RNGTT: variants seen among roughly 807,000 people sequenced by gnomAD.
RNGTT encodes RNA guanylyltransferase and 5'-phosphatase, also known as mRNA-capping enzyme.
Under a neutral mutation model 79.3 loss-of-function variants are expected in RNGTT, and 33 were observed. That is an observed-to-expected ratio of 0.42 (90% CI 0.32 to 0.56). The LOEUF (loss-of-function observed/expected upper bound fraction) is 0.56. Among genes scored for constraint, RNGTT ranks in the 20% least tolerant of loss-of-function variants. The pLI, the probability that RNGTT is intolerant of heterozygous loss-of-function variation, is 0.17. For missense variants in RNGTT, 497 were observed against 739.1 expected, an observed-to-expected ratio of 0.67 and a Z score of 3.80; for synonymous variants, 222 against 235.9, an observed-to-expected ratio of 0.94 and a Z score of 0.54.
intron 2 of RNGTT, among the ~76,000 whole-genome samples, chr6:88,939,080 T>C (rs1784762770): frequency 6.6e-6 from 1 of 152,224 alleles, no homozygotes; most frequent in Admixed American, 6.5e-5. Flanking sequence ...TATAACGCGT[T>C]GTGGAGAAGA....
In RNGTT at chr6:88,644,781, G is replaced by C. The variant is rs548357737; in HGVS notation, c.1507-30386C>G. ...TGATTATCTCAATAGATGCAGAAAA[G>C]GCCTTTGACAAAATTCAACAGCGCT... On this transcript the variant is annotated intron_variant, in intron 14 of 15. Transcript: ENST00000369485. 3.0e-3 allele frequency among the ~76,000 whole-genome samples: 452 copies of C among 152,240 alleles called. 3 individuals carry two copies. Among genetic ancestry groups the C allele is most frequent in the African/African-American group, 8.7e-3 (362 of 41,534 alleles).
chr6:88,689,724 A>G (rs1260213707), intron 13 of RNGTT, among the ~76,000 whole-genome samples: 1 of 152,120 alleles, frequency 6.6e-6, no homozygotes, highest in African/African-American at 2.4e-5. Context: ...TATTTAAAAT[A>G]TTTACCAAAC....
chr6:88,748,373 T>C (rs1326172946), intron 13 of RNGTT, among the ~76,000 whole-genome samples: 1 of 152,118 alleles, frequency 6.6e-6, no homozygotes, highest in Non-Finnish European at 1.5e-5. Flanking sequence ...CAGGATCTTT[T>C]GCTCCAGCTA....
chr6:88,757,550 T>C (rs1486065758), intron 13 of RNGTT, among the ~76,000 whole-genome samples: 4 of 152,204 alleles, frequency 2.6e-5, no homozygotes, highest in Admixed American at 2.0e-4. Flanking sequence ...CTTAATTGCA[T>C]AATCAAAGAG....
chr6:88,684,289 C>A (rs928776838), intron 13 of RNGTT, among the ~76,000 whole-genome samples: 6 of 152,246 alleles, frequency 3.9e-5, no homozygotes, highest in East Asian at 3.9e-4. Flanking sequence ...GGTGGGAATG[C>A]AAAATAGCAT....
chr6:88,938,116 T>A (rs1185281799), intron 2 of RNGTT, among the ~76,000 whole-genome samples: 2 of 152,222 alleles, frequency 1.3e-5, no homozygotes, highest in African/African-American at 4.8e-5. Context: ...TGTCTAATGA[T>A]GACAGTGGGG....
chr6:88,632,461 A>G (rs895807238), intron 14 of RNGTT, among the ~76,000 whole-genome samples: 2 of 152,070 alleles, frequency 1.3e-5, no homozygotes, highest in African/African-American at 2.4e-5. Context: ...ATGTTTACTT[A>G]CAGTCATTTA....
At chr6:88,837,361 C>G (rs897731234) in intron 11 of RNGTT, among the ~76,000 whole-genome samples, 1 of 152,108 alleles carries the variant, frequency 6.6e-6, no homozygotes, top group African/African-American at 2.4e-5. Flanking sequence ...TGTGTCACTG[C>G]ACTCCAGCCT....
Position 88,628,523 on chromosome 6 carries a change from C to CA in RNGTT, c.1507-14129dup, listed in dbSNP as rs1772722001. 2.0e-5 allele frequency among the ~76,000 whole-genome samples: 3 copies of CA among 151,998 alleles called. No individual in the cohort carries two copies. The South Asian group carries it at 6.2e-4, about 32-fold the overall frequency. ...ATTCATTACTTTGGTAACTTGTACTCAAAATTAATTTAAGGTTTATAGCCA... is the reference window on the plus strand; with the variant it reads ...ATTCATTACTTTGGTAACTTGTACTCAAAAATTAATTTAAGGTTTATAGCCA... On this transcript the variant is annotated intron_variant, in intron 14 of 15. Transcript: ENST00000369485.
At chr6:88,708,465 G>A (rs1489728570) in intron 13 of RNGTT, among the ~76,000 whole-genome samples, 1 of 151,946 alleles carries the variant, frequency 6.6e-6, no homozygotes, top group Non-Finnish European at 1.5e-5. Context: ...CACACCTTCT[G>A]TTTCTCTCTC....
intron 12 of RNGTT, among the ~76,000 whole-genome samples, chr6:88,789,219 A>G (rs2127854207): frequency 6.6e-6 from 1 of 152,324 alleles, no homozygotes; most frequent in Admixed American, 6.5e-5. Flanking sequence ...CAGGAGCTCA[A>G]GACCAGCCTG....
chr6:88,958,606 T>C (rs1469117927), intron 1 of RNGTT, among the ~76,000 whole-genome samples: 1 of 152,086 alleles, frequency 6.6e-6, no homozygotes, highest in East Asian at 1.9e-4. Flanking sequence ...AAGAAGCATA[T>C]GAAAAATGTT....
At chr6:88,670,182 GAC>G (rs971880572) in intron 14 of RNGTT, among the ~76,000 whole-genome samples, 5 of 152,324 alleles carry the variant, frequency 3.3e-5, no homozygotes, top group African/African-American at 1.2e-4. Flanking sequence ...TCAGAGACAT[GAC>G]AAAGCTAGCA....
rs1032676084 is a variant in RNGTT at position 88,963,203 on chromosome 6, C to T, written c.64+143G>A. ...CCTCCCGTTCATGTTCCCATTCATC[C>T]ACGAAGCGTAATCCGACGGAGCATA... On this transcript the variant is annotated intron_variant, in intron 1 of 15. Transcript: ENST00000369485. 3 of 761,786 alleles carry T rather than the reference C, an allele frequency of 3.9e-6. No individual in the cohort carries two copies. The African/African-American group carries it at 5.5e-5, about 14-fold the overall frequency. The allele number at this position is 761,786 out of a possible 1,614,324, so 47.2% of individuals were successfully genotyped here. A position where few individuals can be genotyped will look rare whatever the true frequency, so the allele number is the denominator to read the frequency against.
At chr6:88,843,065 C>T (rs776894497) in intron 11 of RNGTT, among the ~76,000 whole-genome samples, 107 of 151,422 alleles carry the variant, frequency 7.1e-4, no homozygotes, top group Non-Finnish European at 1.3e-3. Flanking sequence ...AGAGTGAGAC[C>T]CTGCCTCAAA....
chr6:88,880,770 C>G (rs1481718049), intron 8 of RNGTT, among the ~76,000 whole-genome samples: 2 of 152,112 alleles, frequency 1.3e-5, no homozygotes, highest in Admixed American at 1.3e-4. Flanking sequence ...AAATAAAAGG[C>G]ATGAAAATTA....
At chr6:88,618,877 G>A (rs545083522) in intron 14 of RNGTT, among the ~76,000 whole-genome samples, 4 of 152,128 alleles carry the variant, frequency 2.6e-5, no homozygotes, top group South Asian at 2.1e-4. Flanking sequence ...TTATTCCTGC[G>A]GTGTTCTAAT....
At position 88,929,197 on chromosome 6, in the gene RNGTT, T is replaced by C; in HGVS notation, c.245A>G (p.Glu82Gly). ...RFYDRNDIEK[E>G]GIKYIKLQCK... The stretch of plus-strand genomic sequence containing the variant: ...CTGAAGTTTTATATATTTGATTCCT[T>C]CTTTTTCTATGTCATTTCGGTCATA... The change falls in exon 3 of 16, where the codon GAA (glutamate) becomes GGA (glycine). Residue 82 changes from glutamate (E) to glycine (G), a missense_variant. Transcript: ENST00000369485. 6.2e-7 allele frequency: 1 copy of C among 1,610,124 alleles called. No individual in the cohort carries two copies. The highest frequency in any genetic ancestry group is 1.1e-5 in the South Asian group (1 of 90,520).
chr6:88,718,184 C>T (rs949588622), intron 13 of RNGTT, among the ~76,000 whole-genome samples: 8 of 151,872 alleles, frequency 5.3e-5, no homozygotes, highest in Non-Finnish European at 8.8e-5. Context: ...GCCAGGAGTT[C>T]GAGACCAGCC....
Sources: allele counts gnomAD v4.1 joint callset (sites outside exome capture counted in the v4.1 genomes callset), GRCh38; gene constraint gnomAD v4.1.1; transcripts MANE v1.5; gene names NCBI Gene and HGNC (gene_info 2026-07-23, HGNC 2026-07-21).